Variants in ABI3BP observed in about 807,000 individuals in gnomAD.
ABI3BP encodes the protein ABI family member 3 binding protein.
ABI3BP carries 216 observed loss-of-function variants against 268.6 expected under a neutral mutation model. That is an observed-to-expected ratio of 0.80 (90% CI 0.72 to 0.90). The LOEUF (loss-of-function observed/expected upper bound fraction) is 0.90. ABI3BP is among the 40% of genes least tolerant of loss of function. The probability of loss-of-function intolerance (pLI) is 0.00; values close to 1 mark genes in which losing one functional copy is unlikely to be tolerated. For synonymous variants in ABI3BP, 730 were observed against 730.0 expected, an observed-to-expected ratio of 1.00 and a Z score of 0.00; for missense variants, 2,090 against 2,182.4, an observed-to-expected ratio of 0.96 and a Z score of 0.84.
At chr3:100,896,114 G>A (rs2047541085) in intron 4 of ABI3BP, among the ~76,000 whole-genome samples, 1 of 152,052 alleles carries the variant, frequency 6.6e-6, no homozygotes, top group South Asian at 2.1e-4. Context: ...TGTCATTATT[G>A]TATCTTTCAA....
intron 15 of ABI3BP, 30 bp downstream of exon 15, chr3:100,851,845 C>G: frequency 1.3e-6 from 2 of 1,551,830 alleles, no homozygotes; most frequent in Non-Finnish European, 1.7e-6. Flanking sequence ...CACCTGGGAT[C>G]CAAAGACAGA....
chr3:100,951,364 C>A (rs769175571), intron 1 of ABI3BP, among the ~76,000 whole-genome samples: 8 of 151,984 alleles, frequency 5.3e-5, no homozygotes, highest in Non-Finnish European at 1.0e-4. Flanking sequence ...TATTCCTCCT[C>A]TGGCCCTCAT....
chr3:100,920,827 T>C (rs1020272365), intron 2 of ABI3BP, among the ~76,000 whole-genome samples: 7 of 152,228 alleles, frequency 4.6e-5, no homozygotes, highest in Non-Finnish European at 1.0e-4. Flanking sequence ...TTTAAACTAC[T>C]TACCCACAAC....
chr3:100,979,053 C>T (rs999863073), intron 1 of ABI3BP, among the ~76,000 whole-genome samples: 9 of 152,098 alleles, frequency 5.9e-5, no homozygotes, highest in Non-Finnish European at 8.8e-5. Flanking sequence ...TTGTGAGAAA[C>T]GCAAATTATT....
chr3:100,841,194 CTTTTTTTTTTT>C (rs60261694), intron 21 of ABI3BP, among the ~76,000 whole-genome samples: 5 of 39,630 alleles, frequency 1.3e-4, no homozygotes, highest in Non-Finnish European at 2.1e-4. Context: ...CATTAGAACA[CTTTTTTTTTTT>C]TTTTTTTTTT....
At chr3:100,928,145 A>G (rs1401134055) in intron 1 of ABI3BP, among the ~76,000 whole-genome samples, 1 of 152,006 alleles carries the variant, frequency 6.6e-6, no homozygotes, top group Non-Finnish European at 1.5e-5. Flanking sequence ...TTGGCATCCT[A>G]GTTCTTTTCT....
At chr3:100,928,046 G>A (rs189879365) in intron 1 of ABI3BP, among the ~76,000 whole-genome samples, 2 of 151,442 alleles carry the variant, frequency 1.3e-5, no homozygotes, top group Non-Finnish European at 2.9e-5. Context: ...ATCCACTAGG[G>A]TGACTATTCA....
intron 36 of ABI3BP, 105 bp from the exon 37 acceptor site, chr3:100,823,619 CAA>C: frequency 4.1e-6 from 3 of 731,844 alleles, no homozygotes; most frequent in Non-Finnish European, 6.2e-6. Context: ...TCCAGAGAAA[CAA>C]AAAAAAAATT....
At chr3:100,975,331 C>A (rs775305005) in intron 1 of ABI3BP, among the ~76,000 whole-genome samples, 1 of 152,018 alleles carries the variant, frequency 6.6e-6, no homozygotes, top group Non-Finnish European at 1.5e-5. Flanking sequence ...AATATACCTG[C>A]GCTTCTAGTA....
At chr3:100,952,297 T>C (rs1182064074) in intron 1 of ABI3BP, among the ~76,000 whole-genome samples, 1 of 152,164 alleles carries the variant, frequency 6.6e-6, no homozygotes, top group Admixed American at 6.5e-5. Flanking sequence ...GATTTTAAGA[T>C]ACAAAAAATG....
In ABI3BP at chr3:100,832,344, G is replaced by T; in HGVS notation, c.2321C>A (p.Thr774Lys). The T allele has an allele frequency of 1.3e-6, 2 of 1,535,346 alleles. No individual in the cohort carries two copies. The highest frequency in any genetic ancestry group is 1.7e-6 in the Non-Finnish European group (2 of 1,146,378). The change falls in exon 31 of 68, where the codon ACA becomes AAA. Residue 774 changes from threonine (T) to lysine (K), a missense_variant. Thr to Lys is a moderately conservative substitution (Grantham distance 78, BLOSUM62 -1). Coordinates refer to ENST00000471714, the MANE Select transcript of ABI3BP (RefSeq NM_001375547.2). ...PITPGTSSAPTTTTKRTRRPH... is the reference protein window; with the variant it reads ...PITPGTSSAPKTTTKRTRRPH... ...ACGACGGGTTCTTTTTGTTGTTGTTGTTGGAGCTGAAGGAAGAAAATTTAG... is the reference window on the plus strand; with the variant it reads ...ACGACGGGTTCTTTTTGTTGTTGTTTTTGGAGCTGAAGGAAGAAAATTTAG...
intron 1 of ABI3BP, among the ~76,000 whole-genome samples, chr3:100,932,808 A>G (rs1245907194): frequency 6.6e-6 from 1 of 152,202 alleles, no homozygotes; most frequent in African/African-American, 2.4e-5. Flanking sequence ...AAAGAACTTA[A>G]AACAGAACTG....
At chr3:100,816,277 T>TA in intron 43 of ABI3BP, 1 of 451,378 alleles carries the variant, frequency 2.2e-6, no homozygotes, top group Non-Finnish European at 3.9e-6. Context: ...AGGCAACAGA[T>TA]ACGAAAATAC....
chr3:100,840,867 A>T lies in ABI3BP; in HGVS notation c.1766-9T>A, dbSNP rs2098685998. ...TCCTGGTGTTTCAGGTCCTAAGACA[A>T]TGTGAAAAAATCACCAAGAAAGAAT... On this transcript the variant is annotated splice_polypyrimidine_tract_variant and intron_variant, in intron 21 of 67. Coordinates refer to ENST00000471714, the MANE Select transcript of ABI3BP (RefSeq NM_001375547.2). The T allele has an allele frequency of 1.3e-6, 2 of 1,531,576 alleles. No individual in the cohort carries two copies. The highest frequency in any genetic ancestry group is 2.7e-5 in the African/African-American group (2 of 72,898). The allele number at this position is 1,531,576 out of a possible 1,614,324, so 94.9% of individuals were successfully genotyped here.
intron 1 of ABI3BP, among the ~76,000 whole-genome samples, chr3:100,988,683 C>G (rs755342280): frequency 8.5e-5 from 13 of 152,114 alleles, no homozygotes; most frequent in Non-Finnish European, 1.5e-4. Context: ...TGTAATTATC[C>G]CTTTCCACAC....
chr3:100,799,423 G>T (rs1259117162), intron 51 of ABI3BP, among the ~76,000 whole-genome samples: 2 of 152,078 alleles, frequency 1.3e-5, no homozygotes, highest in East Asian at 1.9e-4. Flanking sequence ...TATTCATACT[G>T]CTCACTGAAT....
chr3:100,919,897 T>G (rs1455012994), intron 2 of ABI3BP, among the ~76,000 whole-genome samples: 5 of 152,188 alleles, frequency 3.3e-5, no homozygotes, highest in Non-Finnish European at 7.3e-5. Flanking sequence ...AAGAGGCACC[T>G]GATGACTCTC....
intron 40 of ABI3BP, among the ~76,000 whole-genome samples, chr3:100,819,407 C>T (rs756283041): frequency 4.3e-4 from 65 of 152,196 alleles, no homozygotes; most frequent in Non-Finnish European, 8.7e-4. Flanking sequence ...CCCCTCAAAA[C>T]AAGTTCAATT....
At chr3:100,825,729 G>T in intron 35 of ABI3BP, 56 bp downstream of exon 35, 1 of 1,365,094 alleles carries the variant, frequency 7.3e-7, no homozygotes, top group Non-Finnish European at 1.0e-6. Flanking sequence ...TGAATGGACT[G>T]TACAACAAGC....
Sources: allele counts gnomAD v4.1 joint callset (sites outside exome capture counted in the v4.1 genomes callset), GRCh38; gene constraint gnomAD v4.1.1; transcripts MANE v1.5; gene names NCBI Gene and HGNC (gene_info 2026-07-23, HGNC 2026-07-21).